ARHGEF9: variants seen among roughly 807,000 people sequenced by gnomAD.
ARHGEF9 encodes the protein rho guanine nucleotide exchange factor 9.
In ARHGEF9, 2 loss-of-function variants were observed where a neutral mutation model predicts 41.3. That is an observed-to-expected ratio of 0.05 (90% CI 0.02 to 0.15). The LOEUF is 0.15. Among genes scored for constraint, ARHGEF9 ranks in the 10% least tolerant of loss-of-function variants. The pLI is 1.00. For missense variants in ARHGEF9, 225 were observed against 424.7 expected (o/e 0.53, Z 4.13); for synonymous variants, 160 against 154.4 (o/e 1.04, Z -0.27).
chrX:63,696,075 A>G (rs189522137), intron 4 of ARHGEF9, among the ~76,000 whole-genome samples: 15 of 111,359 alleles, frequency 1.3e-4, no homozygotes, highest in Admixed American at 7.7e-4. Context: ...AATCATAGCT[A>G]TGAGTATAAA....
chrX:63,681,257 CAT>C (rs1222514109), intron 4 of ARHGEF9, among the ~76,000 whole-genome samples: 2 of 112,063 alleles, frequency 1.8e-5, no homozygotes, highest in Non-Finnish European at 3.8e-5. Context: ...CTCACTACCA[CAT>C]GTTACCAAAG....
At position 63,731,120 on chromosome X, in the gene ARHGEF9, C is replaced by A. The variant is rs1277172590; in HGVS notation, c.31-6409G>T. Among the ~76,000 whole-genome samples the A allele has an allele frequency of 3.6e-5, 4 of 112,032 alleles. No individual in the cohort carries two copies. In the East Asian group the frequency reaches 1.1e-3, roughly 32 times the overall value. On this transcript the variant is annotated intron_variant, in intron 1 of 9. Transcript: ENST00000671741. The stretch of plus-strand genomic sequence containing the variant: ...GCCAATTGCCATGAAGGTAGATGAG[C>A]TGGACCTGCCTTCCAAGAAGCTCCG...
intron 2 of ARHGEF9, among the ~76,000 whole-genome samples, chrX:63,711,927 A>C (rs1169081304): frequency 8.9e-6 from 1 of 112,605 alleles, no homozygotes; most frequent in Non-Finnish European, 1.9e-5. Context: ...GTAACTTAAC[A>C]ATAAAGTAAC....
At chrX:63,754,088 G>A (rs1252972731) in intron 1 of ARHGEF9, among the ~76,000 whole-genome samples, 4 of 111,895 alleles carry the variant, frequency 3.6e-5, no homozygotes, top group African/African-American at 6.5e-5. Context: ...TAGTCTTCAA[G>A]GAAATGAGTT....
At chrX:63,638,528 C>T (rs1454844582) in intron 9 of ARHGEF9, 10 of 386,941 alleles carry the variant, frequency 2.6e-5, no homozygotes, top group African/African-American at 2.3e-4. Context: ...GGTAAGTTAG[C>T]GACAAAGCAA....
intron 2 of ARHGEF9, among the ~76,000 whole-genome samples, chrX:63,713,450 T>C (rs782547163): frequency 3.6e-5 from 4 of 109,873 alleles, no homozygotes; most frequent in Non-Finnish European, 7.6e-5. Flanking sequence ...CAGATAATTC[T>C]AATCATTCTA....
chrX:63,677,077 G>A (rs2050304881), intron 5 of ARHGEF9, among the ~76,000 whole-genome samples: 1 of 111,610 alleles, frequency 9.0e-6, no homozygotes, highest in South Asian at 3.9e-4. Flanking sequence ...TGGCTAGAGG[G>A]GGAATGTGCC....
At chrX:63,688,907 A>T (rs181851737) in intron 4 of ARHGEF9, among the ~76,000 whole-genome samples, 1 of 112,562 alleles carries the variant, frequency 8.9e-6, no homozygotes, top group African/African-American at 3.2e-5. Context: ...TTTTCTTTTG[A>T]TCAAAGTTAA....
At position 63,638,348 on chromosome X, in the gene ARHGEF9, A is replaced by G. The variant is rs2047424696; in HGVS notation, c.1391-139T>C. The stretch of plus-strand genomic sequence containing the variant: ...TGTGAACTGGTTTTACAAATCATCC[A>G]AGGGGAGAATTCCTCTTTCAAACAG... On this transcript the variant is annotated intron_variant, in intron 9 of 9. Transcript: ENST00000671741. 22 of 574,306 alleles carry G rather than the reference A, an allele frequency of 3.8e-5. No individual in the cohort carries two copies. In the South Asian group the frequency reaches 6.1e-4, roughly 16 times the overall value. 47.3% of individuals were successfully genotyped at this position (574,306 alleles called of 1,213,427 possible).
intron 7 of ARHGEF9, among the ~76,000 whole-genome samples, chrX:63,661,374 G>T (rs2075274955): frequency 1.8e-5 from 2 of 111,743 alleles, no homozygotes; most frequent in African/African-American, 6.5e-5. Flanking sequence ...ACAGAACATG[G>T]CCAGACTGGC....
In ARHGEF9 at chrX:63,678,378, C is replaced by T. The variant is rs1057522740; in HGVS notation, c.777G>A (p.Gln259=). ...CAGTATACTTTAGGAGCTCAGCCAACTGTAAGGGATACTTGCAGATCTTCT... is the reference window on the plus strand; with the variant it reads ...CAGTATACTTTAGGAGCTCAGCCAATTGTAAGGGATACTTGCAGATCTTCT... The part of the protein sequence containing the change: ...PVQKICKYPL[Q]LAELLKYTAQ... Residue 259 remains glutamine, a synonymous_variant, in exon 5 of 10, where the codon CAG becomes CAA. Coordinates refer to ENST00000671741, the MANE Select transcript of ARHGEF9 (RefSeq NM_001353921.2). 1.7e-5 allele frequency: 20 copies of T among 1,205,680 alleles called. No individual in the cohort carries two copies. The highest frequency in any genetic ancestry group is 2.2e-5 in the Non-Finnish European group (20 of 893,007).
chrX:63,649,148 A>G (rs1488955341), intron 8 of ARHGEF9, among the ~76,000 whole-genome samples: 1 of 111,921 alleles, frequency 8.9e-6, no homozygotes, highest in Non-Finnish European at 1.9e-5. Flanking sequence ...CAGAATATAC[A>G]TTCTTCTCAG....
At chrX:63,764,558 T>C (rs782617898) in intron 1 of ARHGEF9, among the ~76,000 whole-genome samples, 1 of 112,018 alleles carries the variant, frequency 8.9e-6, no homozygotes, top group Non-Finnish European at 1.9e-5. Flanking sequence ...CACAAAGACA[T>C]GGAATCAACC....
intron 1 of ARHGEF9, among the ~76,000 whole-genome samples, chrX:63,758,934 G>T (rs781909371): frequency 5.4e-5 from 6 of 111,623 alleles, no homozygotes; most frequent in Non-Finnish European, 9.4e-5. Context: ...CACTTAGCAG[G>T]TGCTTCATAA....
chrX:63,647,404 C>G (rs2048184626), intron 8 of ARHGEF9, among the ~76,000 whole-genome samples: 1 of 111,551 alleles, frequency 9.0e-6, no homozygotes, highest in South Asian at 3.8e-4. Context: ...AAATACGTCC[C>G]ATCAGTATGT....
chrX:63,735,829 G>A (rs781946829), intron 1 of ARHGEF9, among the ~76,000 whole-genome samples: 1 of 111,992 alleles, frequency 8.9e-6, no homozygotes. Context: ...TTACAGCCCA[G>A]AGAGGACATC....
At chrX:63,760,201 C>G (rs2056010655) in intron 1 of ARHGEF9, among the ~76,000 whole-genome samples, 1 of 109,889 alleles carries the variant, frequency 9.1e-6, no homozygotes, top group Admixed American at 9.7e-5. Context: ...TTTTTTTTGT[C>G]CCGATCTCCA....
In ARHGEF9 at chrX:63,706,366, G is replaced by C. The variant is rs2052544014; in HGVS notation, c.294C>G (p.Leu98=). 1 of 1,204,486 alleles carries C rather than the reference G, an allele frequency of 8.3e-7. No homozygotes were observed. The highest frequency in any genetic ancestry group is 1.8e-5 in the South Asian group (1 of 55,525). ...GGTTCTGTAGTGGCCGCCCCAGACAGAGGCAGTCTGAATTGGGGTCCAGGT... is the reference window on the plus strand; with the variant it reads ...GGTTCTGTAGTGGCCGCCCCAGACACAGGCAGTCTGAATTGGGGTCCAGGT... ...NGHLDPNSDC[L]CLGRPLQNRD... Residue 98 remains leucine (L), a synonymous_variant, in exon 3 of 10, where the codon CTC becomes CTG. Transcript: ENST00000671741.
At chrX:63,722,313 C>T (rs1389777919) in intron 2 of ARHGEF9, among the ~76,000 whole-genome samples, 1 of 111,671 alleles carries the variant, frequency 9.0e-6, no homozygotes, top group Non-Finnish European at 1.9e-5. Flanking sequence ...GATACCTCAC[C>T]ATGTCAGTTA....
Sources: gnomAD v4.1 joint callset for allele counts (sites outside exome capture counted in the v4.1 genomes callset) on GRCh38, gnomAD v4.1.1 for gene constraint, MANE v1.5 for transcripts, NCBI Gene and HGNC (gene_info 2026-07-23, HGNC 2026-07-21) for gene names.